ARHGEF12: variants seen among roughly 807,000 people sequenced by gnomAD.
The protein encoded by ARHGEF12 is Rho guanine nucleotide exchange factor 12.
Under a neutral mutation model 211.2 loss-of-function variants are expected in ARHGEF12, and 66 were observed. The ratio of observed to expected loss-of-function variants is 0.31; its 90% CI spans 0.26 to 0.38. ARHGEF12 has a LOEUF of 0.38. Among genes scored for constraint, ARHGEF12 ranks in the 10% least tolerant of loss-of-function variants. The pLI is 1.00. For missense variants in ARHGEF12, 1,429 were observed against 1,869.5 expected, an observed-to-expected ratio of 0.76 and a Z score of 4.34; for synonymous variants, 592 against 638.4, an observed-to-expected ratio of 0.93 and a Z score of 1.09.
intron 29 of ARHGEF12, 42 bp from the exon 30 acceptor site, chr11:120,469,246 T>C: frequency 6.9e-7 from 1 of 1,448,776 alleles, no homozygotes; most frequent in Non-Finnish European, 9.6e-7. Flanking sequence ...TATGGTTTTT[T>C]GCTCAGTTCT....
At chr11:120,476,499 G>A (rs1447593321) in intron 33 of ARHGEF12, 162 bp from the exon 34 acceptor site, 2 of 452,666 alleles carry the variant, frequency 4.4e-6, no homozygotes, top group East Asian at 3.2e-5. Flanking sequence ...ACGTTAATAT[G>A]GTAAGTTGCA....
rs1942359443 is a variant in ARHGEF12 at position 120,336,656 on chromosome 11, C to T, written c.-588C>T. 6.6e-6 allele frequency among the ~76,000 whole-genome samples: 1 copy of T among 152,008 alleles called. No homozygotes were observed. Among genetic ancestry groups the T allele is most frequent in the Non-Finnish European group, 1.5e-5 (1 of 67,972 alleles). ...GACCTCTCCGCCGGCGCCAGCGGCT[C>T]GTCCCAGCACCGGGAGCCTGGTGAG... On this transcript the variant is annotated 5_prime_UTR_variant, in exon 1 of 41. Coordinates refer to ENST00000397843, the MANE Select transcript of ARHGEF12 (RefSeq NM_015313.3).
intron 30 of ARHGEF12, among the ~76,000 whole-genome samples, chr11:120,472,808 C>T (rs559718699): frequency 6.6e-6 from 1 of 152,104 alleles, no homozygotes; most frequent in Admixed American, 6.5e-5. Flanking sequence ...GCGCCCGCCA[C>T]CATGCCCGGC....
chr11:120,474,635 G>T lies in ARHGEF12; in HGVS notation c.3109G>T (p.Asp1037Tyr). ...GAAGGTGAATAGAGATAAAACTATT[G>T]GTAGGTCTGATATTGTCTTTTAGTT... Reference protein sequence around the residue: ...VWKVNRDKTIDLYTLLLEDIL... With the variant: ...VWKVNRDKTIYLYTLLLEDIL... Residue 1037 changes from aspartate to tyrosine, a missense_variant and splice_region_variant, in exon 32 of 41, where the codon GAT becomes TAT. Coordinates refer to ENST00000397843, the MANE Select transcript of ARHGEF12 (RefSeq NM_015313.3). 6.2e-7 allele frequency: 1 copy of T among 1,608,274 alleles called. No individual in the cohort carries two copies. The highest frequency in any genetic ancestry group is 8.5e-7 in the Non-Finnish European group (1 of 1,177,914).
intron 34 of ARHGEF12, 26 bp downstream of exon 34, chr11:120,476,774 C>CTATA (rs1565512400): frequency 6.6e-7 from 1 of 1,520,422 alleles, no homozygotes. Context: ...GGCTACCTTG[C>CTATA]TATAGCTAAT....
chr11:120,421,899 C>A, intron 6 of ARHGEF12, 47 bp downstream of exon 6: 1 of 1,432,420 alleles, frequency 7.0e-7, no homozygotes, highest in Non-Finnish European at 9.7e-7. Context: ...TAAAAAACAA[C>A]ATATATTGGT....
At chr11:120,423,582 C>T (rs969291661) in intron 6 of ARHGEF12, among the ~76,000 whole-genome samples, 1 of 151,130 alleles carries the variant, frequency 6.6e-6, no homozygotes, top group Admixed American at 6.6e-5. Flanking sequence ...AGCTGCCGTA[C>T]AGTGAAAAAA....
chr11:120,460,199 C>G (rs1478436129), intron 26 of ARHGEF12, among the ~76,000 whole-genome samples: 1 of 152,136 alleles, frequency 6.6e-6, no homozygotes, highest in South Asian at 2.1e-4. Context: ...CATGTCATCA[C>G]TAACTATCAA....
At chr11:120,384,324 AT>A (rs1943966224) in intron 1 of ARHGEF12, among the ~76,000 whole-genome samples, 1 of 152,230 alleles carries the variant, frequency 6.6e-6, no homozygotes, top group East Asian at 1.9e-4. Flanking sequence ...GGATAGAGTG[AT>A]TACTGGGATT....
chr11:120,383,091 A>G (rs1943923400), intron 1 of ARHGEF12, among the ~76,000 whole-genome samples: 1 of 152,106 alleles, frequency 6.6e-6, no homozygotes, highest in Non-Finnish European at 1.5e-5. Flanking sequence ...GTGAGCGGAG[A>G]TCGCACCACT....
At chr11:120,370,004 T>C (rs895005523) in intron 1 of ARHGEF12, among the ~76,000 whole-genome samples, 1 of 152,222 alleles carries the variant, frequency 6.6e-6, no homozygotes, top group Admixed American at 6.5e-5. Context: ...ACTTTGGCTA[T>C]ATGTTATGTA....
At position 120,338,438 on chromosome 11, in the gene ARHGEF12, ATGCTTTCC is replaced by A. The variant is rs1942423677; in HGVS notation, c.32+1164_32+1171del. Among the ~76,000 whole-genome samples, 3 of 152,224 alleles carry A rather than the reference ATGCTTTCC, an allele frequency of 2.0e-5. No homozygotes were observed. In the South Asian group the frequency reaches 6.2e-4, roughly 31 times the overall value. ...GAAACAGAACTTCCTCTTCCTGTTG[ATGCTTTCC>A]AGCATCACATGAATGTTCACTTAAA... On this transcript the variant is annotated intron_variant, in intron 1 of 40. Coordinates refer to ENST00000397843, the MANE Select transcript of ARHGEF12 (RefSeq NM_015313.3).
chr11:120,459,576 G>A (rs552681593), intron 26 of ARHGEF12, among the ~76,000 whole-genome samples: 13 of 151,982 alleles, frequency 8.6e-5, no homozygotes, highest in African/African-American at 2.9e-4. Context: ...CAAATTCACC[G>A]TTGAAAATTT....
intron 1 of ARHGEF12, chr11:120,337,539 A>G (rs996425104): frequency 4.1e-6 from 4 of 985,280 alleles, no homozygotes; most frequent in Non-Finnish European, 4.8e-6. Context: ...TTCCGCCTGT[A>G]GTGTGCATTA....
At chr11:120,469,893 A>C (rs1292524657) in intron 30 of ARHGEF12, among the ~76,000 whole-genome samples, 1 of 152,190 alleles carries the variant, frequency 6.6e-6, no homozygotes, top group Non-Finnish European at 1.5e-5. Flanking sequence ...AGGAATTGAC[A>C]CTTGAGCCAA....
At chr11:120,367,162 A>C (rs933348892) in intron 1 of ARHGEF12, among the ~76,000 whole-genome samples, 7 of 152,068 alleles carry the variant, frequency 4.6e-5, no homozygotes, top group Non-Finnish European at 5.9e-5. Context: ...ATAGCATGGG[A>C]AGGAAAGAGC....
chr11:120,431,770 G>C lies in ARHGEF12; in HGVS notation c.784-1G>C. The C allele has an allele frequency of 3.1e-6, 5 of 1,587,580 alleles. No individual in the cohort carries two copies. The highest frequency in any genetic ancestry group is 4.3e-6 in the Non-Finnish European group (5 of 1,171,124). ...GCGTGTTTTTCTTTCATCTGTTTTA[G>C]GATGGAGCTGTAGTTACACCCTCCA... On this transcript the variant is annotated splice_acceptor_variant, in intron 10 of 40. Transcript: ENST00000397843. LOFTEE classifies it high-confidence loss of function.
At chr11:120,441,186 C>T (rs1945858167) in intron 13 of ARHGEF12, among the ~76,000 whole-genome samples, 1 of 151,942 alleles carries the variant, frequency 6.6e-6, no homozygotes, top group Non-Finnish European at 1.5e-5. Context: ...GGGGGTAATG[C>T]TGGTCTTTAG....
At position 120,394,154 on chromosome 11, in the gene ARHGEF12, T is replaced by G. The variant is rs567677533; in HGVS notation, c.33-11964T>G. On this transcript the variant is annotated intron_variant, in intron 1 of 40. Coordinates refer to ENST00000397843, the MANE Select transcript of ARHGEF12 (RefSeq NM_015313.3). ...GAATTTGTTGGTTGCCATTAAAGCATTACATAAAAACTTATAGCATTAAAC... is the reference window on the plus strand; with the variant it reads ...GAATTTGTTGGTTGCCATTAAAGCAGTACATAAAAACTTATAGCATTAAAC... Among the ~76,000 whole-genome samples, 4 of 152,098 alleles carry G rather than the reference T, an allele frequency of 2.6e-5. No individual in the cohort carries two copies. The South Asian group carries it at 8.3e-4, about 32-fold the overall frequency.
Sources: allele counts gnomAD v4.1 joint callset (sites outside exome capture counted in the v4.1 genomes callset), GRCh38; gene constraint gnomAD v4.1.1; transcripts MANE v1.5; gene names NCBI Gene and HGNC (gene_info 2026-07-23, HGNC 2026-07-21).